The following PHF21B variants were observed in gnomAD, a reference collection of about 807,000 sequenced individuals.
The protein encoded by PHF21B is PHD finger protein 4.
Under a neutral mutation model 62.2 loss-of-function variants are expected in PHF21B, and 22 were observed. The observed-to-expected ratio is 0.35, with a 90% CI of 0.25 to 0.51. PHF21B has a LOEUF of 0.51. Ranked by LOEUF, PHF21B falls within the 20% of genes least tolerant of loss-of-function variation. PHF21B has a pLI of 0.97. For missense variants in PHF21B, 701 were observed against 707.9 expected, an observed-to-expected ratio of 0.99 and a Z score of 0.11; for synonymous variants, 341 against 314.7, an observed-to-expected ratio of 1.08 and a Z score of -0.88.
chr22:44,999,200 A>C (rs1303173119), intron 2 of PHF21B, among the ~76,000 whole-genome samples: 1 of 152,200 alleles, frequency 6.6e-6, no homozygotes, highest in Non-Finnish European at 1.5e-5. Context: ...CACCACCAAA[A>C]ACAACACAGA....
chr22:44,945,727 TG>T (rs1216610937), intron 2 of PHF21B, among the ~76,000 whole-genome samples: 27 of 22,582 alleles, frequency 1.2e-3, no homozygotes, highest in South Asian at 4.8e-3. Flanking sequence ...GGGGGGGGGG[TG>T]GTATAAAGCA....
intron 2 of PHF21B, among the ~76,000 whole-genome samples, chr22:44,947,158 C>A (rs965698700): frequency 6.6e-6 from 1 of 152,360 alleles, no homozygotes; most frequent in South Asian, 2.1e-4. Context: ...GCCTTGCAGG[C>A]TGAGCTGTCC....
chr22:44,957,162 C>T (rs974240151), intron 2 of PHF21B, among the ~76,000 whole-genome samples: 1 of 152,226 alleles, frequency 6.6e-6, no homozygotes, highest in African/African-American at 2.4e-5. Flanking sequence ...GCCTCCCTGG[C>T]TGTGGACCCA....
intron 2 of PHF21B, among the ~76,000 whole-genome samples, chr22:44,980,226 T>A (rs1338002053): frequency 6.6e-6 from 1 of 152,166 alleles, no homozygotes; most frequent in East Asian, 1.9e-4. Context: ...CTGGTTTCTT[T>A]CTGCAGGATG....
chr22:44,967,930 G>A (rs2072560838), intron 2 of PHF21B, among the ~76,000 whole-genome samples: 3 of 152,164 alleles, frequency 2.0e-5, no homozygotes, highest in Non-Finnish European at 4.4e-5. Context: ...TTTCTCTCTT[G>A]ATGAGGCTGG....
At chr22:44,999,607 AT>A (rs2073177932) in intron 2 of PHF21B, among the ~76,000 whole-genome samples, 1 of 152,020 alleles carries the variant, frequency 6.6e-6, no homozygotes, top group Non-Finnish European at 1.5e-5. Context: ...AACTCCACTC[AT>A]TTTTATCTGA....
At chr22:44,926,301 G>A (rs1259692477) in intron 2 of PHF21B, among the ~76,000 whole-genome samples, 1 of 152,262 alleles carries the variant, frequency 6.6e-6, no homozygotes, top group Admixed American at 6.5e-5. Flanking sequence ...CCCGAGGCAG[G>A]TTCCCCGTAA....
At chr22:44,960,088 C>T (rs986477218) in intron 2 of PHF21B, among the ~76,000 whole-genome samples, 6 of 152,158 alleles carry the variant, frequency 3.9e-5, no homozygotes, top group African/African-American at 1.2e-4. Context: ...TCACTGCACA[C>T]GAAATGCTTC....
intron 2 of PHF21B, among the ~76,000 whole-genome samples, chr22:44,926,137 G>A (rs761441987): frequency 1.3e-5 from 2 of 152,074 alleles, no homozygotes; most frequent in African/African-American, 2.4e-5. Context: ...CCTGGCAAGC[G>A]GGTTCTGTGG....
At chr22:44,979,586 CGTGGCAGCT>C (rs2072800584) in intron 2 of PHF21B, among the ~76,000 whole-genome samples, 1 of 152,310 alleles carries the variant, frequency 6.6e-6, no homozygotes. Flanking sequence ...TGCCCAGCGC[CGTGGCAGCT>C]GTGCCTCTCC....
intron 1 of PHF21B, chr22:45,008,908 G>A: frequency 8.7e-7 from 1 of 1,151,494 alleles, no homozygotes; most frequent in African/African-American, 1.6e-5. Flanking sequence ...GCGAGTGAGT[G>A]TGAGTGTGAG....
chr22:45,004,562 T>C (rs1368053530), intron 2 of PHF21B, among the ~76,000 whole-genome samples: 1 of 152,210 alleles, frequency 6.6e-6, no homozygotes, highest in Non-Finnish European at 1.5e-5. Flanking sequence ...GTTTCAACAA[T>C]GAGAACTGGC....
intron 2 of PHF21B, among the ~76,000 whole-genome samples, chr22:45,004,948 G>A (rs2073288671): frequency 6.6e-6 from 1 of 152,210 alleles, no homozygotes; most frequent in African/African-American, 2.4e-5. Context: ...ACAGCAGCAT[G>A]GACTGCGGTT....
intron 2 of PHF21B, among the ~76,000 whole-genome samples, chr22:44,959,511 C>G (rs76989767): frequency 0.041 from 6,183 of 152,232 alleles, 409 homozygotes; most frequent in African/African-American, 0.14. Context: ...TTGTGCTCAG[C>G]AGGTTTCATT....
At chr22:44,903,512 AG>A (rs1569217098) in intron 5 of PHF21B, among the ~76,000 whole-genome samples, 1 of 152,216 alleles carries the variant, frequency 6.6e-6, no homozygotes, top group South Asian at 2.1e-4. Flanking sequence ...TAGGGGATGC[AG>A]GGGGAGTCTC....
chr22:44,973,645 T>C (rs1370453429), intron 2 of PHF21B, among the ~76,000 whole-genome samples: 2 of 151,930 alleles, frequency 1.3e-5, no homozygotes, highest in African/African-American at 2.4e-5. Flanking sequence ...AAGTGAATAC[T>C]GGAGAAAAAT....
intron 10 of PHF21B, among the ~76,000 whole-genome samples, chr22:44,887,585 C>T (rs192543240): frequency 6.6e-6 from 1 of 151,612 alleles, no homozygotes; most frequent in South Asian, 2.1e-4. Context: ...TGAAACCCCC[C>T]ATCTACTAAA....
chr22:44,986,521 CAAAAAAAAAAAA>C (rs3063310), intron 2 of PHF21B, among the ~76,000 whole-genome samples: 6 of 85,846 alleles, frequency 7.0e-5, no homozygotes, highest in South Asian at 8.9e-4. Context: ...GATCTTATTT[CAAAAAAAAAAAA>C]AAAAAAAAAA....
intron 12 of PHF21B, among the ~76,000 whole-genome samples, chr22:44,884,725 TCAC>T (rs200302805): frequency 0.055 from 7,137 of 130,280 alleles, 263 homozygotes; most frequent in African/African-American, 0.11. Flanking sequence ...ATGATCACCA[TCAC>T]CACCACCATC....
Sources: gnomAD v4.1 joint callset for allele counts (sites outside exome capture counted in the v4.1 genomes callset) on GRCh38, gnomAD v4.1.1 for gene constraint, MANE v1.5 for transcripts, NCBI Gene and HGNC (gene_info 2026-07-23, HGNC 2026-07-21) for gene names.